The following TCF3 variants were observed in gnomAD, a reference collection of about 807,000 sequenced individuals.
TCF3 encodes the protein transcription factor 3.
Under a neutral mutation model 72.3 loss-of-function variants are expected in TCF3, and 54 were observed. That is an observed-to-expected ratio of 0.75 (90% CI 0.60 to 0.94). The LOEUF is 0.94. TCF3 is among the 40% of genes least tolerant of loss of function. The pLI, the probability that TCF3 is intolerant of heterozygous loss-of-function variation, is 0.00. For missense variants in TCF3, 1,078 were observed against 934.4 expected, an observed-to-expected ratio of 1.15 and a Z score of -2.00; for synonymous variants, 525 against 412.6, an observed-to-expected ratio of 1.27 and a Z score of -3.30.
At chr19:1,633,386 G>A (rs1186631037) in intron 3 of TCF3, among the ~76,000 whole-genome samples, 2 of 152,110 alleles carry the variant, frequency 1.3e-5, no homozygotes, top group Non-Finnish European at 2.9e-5. Context: ...CCGAGAGCCA[G>A]GCCTGGGGGA....
At chr19:1,648,447 G>C (rs1039417539) in intron 2 of TCF3, among the ~76,000 whole-genome samples, 1 of 152,204 alleles carries the variant, frequency 6.6e-6, no homozygotes, top group Non-Finnish European at 1.5e-5. Flanking sequence ...GACGTGCTGA[G>C]TGGCTTGAGG....
At position 1,615,635 on chromosome 19, in the gene TCF3, T is replaced by C. The variant is rs1416583707; in HGVS notation, c.1586+51A>G. 5 of 1,599,234 alleles carry C rather than the reference T, an allele frequency of 3.1e-6. No homozygotes were observed. Among genetic ancestry groups the C allele is most frequent in the Middle Eastern group, 3.3e-4 (2 of 6,026 alleles). Reference sequence around the variant, plus strand: ...GCGGTGTGCGTGTGGCCTGTGCACATGTGCGTCCTGATGGGGTGAGGGTGG... The same window carrying C: ...GCGGTGTGCGTGTGGCCTGTGCACACGTGCGTCCTGATGGGGTGAGGGTGG... On this transcript the variant is annotated intron_variant, in intron 17 of 18. Transcript: ENST00000262965. The surrounding 1 kb of genome is among the most constrained non-coding windows in gnomAD (Gnocchi z 7.3).
Position 1,625,568 on chromosome 19 carries a change from C to A in TCF3, c.499+8G>T, listed in dbSNP as rs764334782. On this transcript the variant is annotated splice_region_variant and intron_variant, in intron 7 of 18. Transcript: ENST00000262965. ...AAGCCCCCGATGCCCCGGCCAGACCCCGCTCACCTAGGCTGCCGTCTGCCG... is the reference window on the plus strand; with the variant it reads ...AAGCCCCCGATGCCCCGGCCAGACCACGCTCACCTAGGCTGCCGTCTGCCG... 6.3e-7 allele frequency: 1 copy of A among 1,578,346 alleles called. No individual in the cohort carries two copies. Among genetic ancestry groups the A allele is most frequent in the East Asian group, 2.5e-5 (1 of 40,734 alleles).
intron 5 of TCF3, among the ~76,000 whole-genome samples, chr19:1,627,684 C>G (rs2063069140): frequency 6.6e-6 from 1 of 152,142 alleles, no homozygotes; most frequent in South Asian, 2.1e-4. Flanking sequence ...AAGAAGGGGT[C>G]CCCGATGATT....
Position 1,645,349 on chromosome 19 carries a change from C to A in TCF3, c.145+1006G>T, listed in dbSNP as rs10420850. Among the ~76,000 whole-genome samples the A allele has an allele frequency of 3.7e-3, 563 of 152,296 alleles. 3 individuals carry two copies. Among genetic ancestry groups the A allele is most frequent in the African/African-American group, 0.013 (528 of 41,544 alleles). The stretch of plus-strand genomic sequence containing the variant: ...GAAGCAGCATCGGGGGCACCCGCCC[C>A]AACCTCCCCCACCAAATCCTGTCGA... On this transcript the variant is annotated intron_variant, in intron 3 of 18. Coordinates refer to ENST00000262965, the MANE Select transcript of TCF3 (RefSeq NM_003200.5).
chr19:1,618,809 G>A (rs1489319422), intron 16 of TCF3, among the ~76,000 whole-genome samples: 2 of 152,334 alleles, frequency 1.3e-5, no homozygotes, highest in Middle Eastern at 6.8e-3. Flanking sequence ...TCTCCCCTGA[G>A]GCAGAGGCAT....
At chr19:1,643,023 G>A (rs763478838) in intron 3 of TCF3, among the ~76,000 whole-genome samples, 6 of 152,154 alleles carry the variant, frequency 3.9e-5, no homozygotes, top group Non-Finnish European at 8.8e-5. Context: ...GCAATTTCCT[G>A]GTGTCTCCCG....
chr19:1,650,130 T>C (rs759070048), intron 2 of TCF3, 47 bp downstream of exon 2: 2 of 1,494,980 alleles, frequency 1.3e-6, no homozygotes, highest in East Asian at 2.6e-5. Context: ...TCCCGTGAAC[T>C]GTGGAGGCAA....
At chr19:1,634,279 T>G (rs2064101958) in intron 3 of TCF3, among the ~76,000 whole-genome samples, 1 of 152,260 alleles carries the variant, frequency 6.6e-6, no homozygotes, top group Non-Finnish European at 1.5e-5. Flanking sequence ...CATCCATTGC[T>G]CCTGTTCTAA....
At chr19:1,625,454 G>C in intron 7 of TCF3, 122 bp downstream of exon 7, 1 of 1,271,270 alleles carries the variant, frequency 7.9e-7, no homozygotes, top group African/African-American at 1.6e-5. Context: ...CCGACGTCCA[G>C]CCAGGACCTG....
At chr19:1,645,450 G>A (rs1234884847) in intron 3 of TCF3, among the ~76,000 whole-genome samples, 2 of 151,992 alleles carry the variant, frequency 1.3e-5, no homozygotes, top group Non-Finnish European at 2.9e-5. Context: ...GCTCCCCGCT[G>A]CCCCTGCAAC....
chr19:1,619,218 G>A lies in TCF3; in HGVS notation c.1343C>T (p.Pro448Leu). ...RHAGLVGGSH[P>L]EDGLAGSTSL... is the part of the protein sequence containing the mutation. Reference sequence around the variant, plus strand: ...GGTGCTGCCTGCGAGGCCGTCCTCGGGGTGGCTGCCTCCAACCTGCAGGCG... The same window carrying A: ...GGTGCTGCCTGCGAGGCCGTCCTCGAGGTGGCTGCCTCCAACCTGCAGGCG... The change falls in exon 16 of 19, where the codon CCC becomes CTC. Residue 448 changes from proline to leucine, a missense_variant. Physicochemically the swap from Pro to Leu is moderately conservative, Grantham distance 98 (BLOSUM62 -3). Coordinates refer to ENST00000262965, the MANE Select transcript of TCF3 (RefSeq NM_003200.5). 6.3e-7 allele frequency: 1 copy of A among 1,596,800 alleles called. No homozygotes were observed. Among genetic ancestry groups the A allele is most frequent in the South Asian group, 1.1e-5 (1 of 90,596 alleles).
chr19:1,624,037 CCATGAG>C, intron 7 of TCF3, 37 bp from the exon 8 acceptor site: 1 of 1,607,032 alleles, frequency 6.2e-7, no homozygotes, highest in Non-Finnish European at 8.5e-7. Context: ...CGGCCACCGG[CCATGAG>C]AACAACCCCT....
At chr19:1,625,287 G>C (rs2062747238) in intron 7 of TCF3, among the ~76,000 whole-genome samples, 1 of 152,214 alleles carries the variant, frequency 6.6e-6, no homozygotes, top group Non-Finnish European at 1.5e-5. Context: ...AGCCCCATGA[G>C]GCATCTGACA....
At chr19:1,642,857 G>A (rs947781547) in intron 3 of TCF3, among the ~76,000 whole-genome samples, 5 of 152,214 alleles carry the variant, frequency 3.3e-5, no homozygotes, top group Non-Finnish European at 5.9e-5. Context: ...TGACCCATGC[G>A]CCAGGTTCTC....
At position 1,609,595 on chromosome 19, in the gene TCF3, C is replaced by G. The variant is rs905619938; in HGVS notation, c.*2112G>C. The G allele has an allele frequency of 9.0e-6, 2 of 221,516 alleles. No homozygotes were observed. Among genetic ancestry groups the G allele is most frequent in the Non-Finnish European group, 1.8e-5 (2 of 110,998 alleles). 13.7% of individuals were successfully genotyped at this position (221,516 alleles called of 1,614,324 possible). ...AGAGGCTATGGGGCCACTGCCCACCCAGACCTAGGGGCAGGGCCAGGAGCA... is the reference window on the plus strand; with the variant it reads ...AGAGGCTATGGGGCCACTGCCCACCGAGACCTAGGGGCAGGGCCAGGAGCA... On this transcript the variant is annotated 3_prime_UTR_variant, in exon 19 of 19. Transcript: ENST00000262965.
rs201663318 is a variant in TCF3 at position 1,620,981 on chromosome 19, G to T, written c.1080C>A (p.Pro360=). The stretch of plus-strand genomic sequence containing the variant: ...ACCCTCACAGACCTGCCAGGCCCTG[G>T]GGGGAGCCCACGGGGGTAGAAGGGC... ...SSSPSTPVGS[P]QGLAGTSQWP... is the part of the protein sequence containing the mutation. Residue 360 remains proline (P), a synonymous_variant, in exon 13 of 19, where the codon CCC becomes CCA. Coordinates refer to ENST00000262965, the MANE Select transcript of TCF3 (RefSeq NM_003200.5). 194 of 1,513,656 alleles carry T rather than the reference G, an allele frequency of 1.3e-4. No individual in the cohort carries two copies. Among genetic ancestry groups the T allele is most frequent in the African/African-American group, 1.2e-3 (85 of 70,498 alleles). 93.8% of individuals were successfully genotyped at this position (1,513,656 alleles called of 1,614,324 possible). A position where few individuals can be genotyped will look rare whatever the true frequency, so the allele number is the denominator to read the frequency against.
At position 1,612,566 on chromosome 19, in the gene TCF3, T is replaced by C. The variant is rs1444751763; in HGVS notation, c.1823-717A>G. ...GGCAGCAGTGTGGGTACACGGCTGG[T>C]GTTGGTGGGCACAGCAGTGTGGGCA... On this transcript the variant is annotated intron_variant, in intron 18 of 18. Transcript: ENST00000262965. 9.6e-6 allele frequency: 8 copies of C among 831,756 alleles called. No individual in the cohort carries two copies. In the Admixed American group the frequency reaches 1.7e-4, roughly 18 times the overall value. The allele number at this position is 831,756 out of a possible 1,614,324, so 51.5% of individuals were successfully genotyped here.
At chr19:1,620,062 T>C (rs1228421705) in intron 13 of TCF3, among the ~76,000 whole-genome samples, 1 of 151,762 alleles carries the variant, frequency 6.6e-6, no homozygotes, top group African/African-American at 2.4e-5. Context: ...GCCATTCCTA[T>C]CTCTGAGCCT....
Sources: allele counts gnomAD v4.1 joint callset (sites outside exome capture counted in the v4.1 genomes callset), GRCh38; gene constraint gnomAD v4.1.1; non-coding constraint Gnocchi (gnomAD v3.1); transcripts MANE v1.5; gene names NCBI Gene and HGNC (gene_info 2026-07-23, HGNC 2026-07-21).